Variants in AGBL4 observed in about 807,000 individuals in gnomAD.
AGBL4 encodes the protein AGBL carboxypeptidase 4, also known as cytosolic carboxypeptidase 6.
AGBL4 carries 58 observed loss-of-function variants against 66.4 expected under a neutral mutation model. The ratio of observed to expected loss-of-function variants is 0.87; its 90% CI spans 0.71 to 1.09. AGBL4 has a LOEUF of 1.09. Among genes scored for constraint, AGBL4 ranks in the 50% least tolerant of loss-of-function variants. The probability of loss-of-function intolerance (pLI) is 0.00; values close to 1 mark genes in which losing one functional copy is unlikely to be tolerated. For missense variants in AGBL4, 579 were observed against 631.0 expected (o/e 0.92, Z 0.88); for synonymous variants, 234 against 222.9 (o/e 1.05, Z -0.44).
At chr1:48,846,409 G>GAA (rs1401577936) in intron 6 of AGBL4, among the ~76,000 whole-genome samples, 1 of 145,498 alleles carries the variant, frequency 6.9e-6, no homozygotes, top group Non-Finnish European at 1.5e-5. Flanking sequence ...AAGAAAGAAA[G>GAA]AAAGAAAGAA....
intron 1 of AGBL4, among the ~76,000 whole-genome samples, chr1:49,975,825 T>G (rs1362165047): frequency 6.6e-6 from 1 of 152,222 alleles, no homozygotes; most frequent in Non-Finnish European, 1.5e-5. Context: ...CACTGCCTGA[T>G]AGCTTCTGTT....
chr1:49,362,991 A>G (rs7531656), intron 3 of AGBL4, among the ~76,000 whole-genome samples: 92,612 of 151,952 alleles, frequency 0.61, 28,894 homozygotes, highest in Middle Eastern at 0.67. Context: ...GACATCCAGC[A>G]GCTGCATATA....
intron 10 of AGBL4, among the ~76,000 whole-genome samples, chr1:48,589,138 T>C (rs1207298860): frequency 2.0e-5 from 3 of 152,192 alleles, no homozygotes; most frequent in Non-Finnish European, 4.4e-5. Flanking sequence ...GAAAAAGGTA[T>C]GGCTGTTTCT....
chr1:49,464,195 T>C (rs1646576068), intron 3 of AGBL4, among the ~76,000 whole-genome samples: 1 of 151,706 alleles, frequency 6.6e-6, no homozygotes, highest in Non-Finnish European at 1.5e-5. Context: ...AGAATAAACT[T>C]CCTGTAGGAG....
At chr1:49,930,161 G>T (rs1439408712) in intron 1 of AGBL4, among the ~76,000 whole-genome samples, 4 of 151,902 alleles carry the variant, frequency 2.6e-5, no homozygotes, top group African/African-American at 9.7e-5. Context: ...GATATTAAAG[G>T]TTAATAAGGA....
At chr1:49,922,262 G>C (rs1652333494) in intron 1 of AGBL4, among the ~76,000 whole-genome samples, 1 of 151,876 alleles carries the variant, frequency 6.6e-6, no homozygotes, top group South Asian at 2.1e-4. Context: ...ATTTTGTCGA[G>C]GATTTTTACT....
intron 9 of AGBL4, among the ~76,000 whole-genome samples, chr1:48,619,803 G>GC (rs1255508680): frequency 2.7e-4 from 41 of 152,344 alleles, no homozygotes; most frequent in Middle Eastern, 3.4e-3. Context: ...GGTGGGGGCT[G>GC]CTGTGTACAG....
chr1:49,281,597 G>C (rs377568227), intron 3 of AGBL4, among the ~76,000 whole-genome samples: 2 of 152,210 alleles, frequency 1.3e-5, no homozygotes, highest in Non-Finnish European at 2.9e-5. Flanking sequence ...TAATACAGCT[G>C]TATGTGGCAA....
rs549443936 is a variant in AGBL4 at position 48,891,497 on chromosome 1, T to C, written c.595-24267A>G. 1.2e-3 allele frequency among the ~76,000 whole-genome samples: 183 copies of C among 152,180 alleles called. 2 individuals carry two copies. The highest frequency in any genetic ancestry group is 2.6e-4 in the Non-Finnish European group (18 of 68,018). ...GTCCCTGGCATCAAGAAGCCCCCAG[T>C]CTGATGGAGGGCACATAAAGAGACC... On this transcript the variant is annotated intron_variant, in intron 5 of 13. Coordinates refer to ENST00000371839, the MANE Select transcript of AGBL4 (RefSeq NM_032785.4).
chr1:48,972,177 A>G (rs1472082847), intron 5 of AGBL4, among the ~76,000 whole-genome samples: 1 of 152,148 alleles, frequency 6.6e-6, no homozygotes, highest in Non-Finnish European at 1.5e-5. Context: ...TTTTCATGAA[A>G]AGTCCCCACG....
intron 3 of AGBL4, among the ~76,000 whole-genome samples, chr1:49,588,517 G>A (rs1644694177): frequency 6.6e-6 from 1 of 152,072 alleles, no homozygotes; most frequent in African/African-American, 2.4e-5. Flanking sequence ...CCTGAGACTG[G>A]GTTAGAATCT....
chr1:48,774,611 A>G (rs557655635), intron 6 of AGBL4, among the ~76,000 whole-genome samples: 9 of 152,356 alleles, frequency 5.9e-5, no homozygotes, highest in Middle Eastern at 3.4e-3. Context: ...TTAAATAACC[A>G]TACAGATTTA....
chr1:49,085,953 G>A (rs1018118862), intron 4 of AGBL4, among the ~76,000 whole-genome samples: 9 of 152,150 alleles, frequency 5.9e-5, no homozygotes, highest in Non-Finnish European at 1.0e-4. Flanking sequence ...CCCCAGTAGA[G>A]GCTGCAGTCA....
At position 48,847,004 on chromosome 1, in the gene AGBL4, C is replaced by CA. The variant is rs1466381768; in HGVS notation, c.634+20186dup. 3.5e-5 allele frequency among the ~76,000 whole-genome samples: 5 copies of CA among 141,138 alleles called. No homozygotes were observed. The East Asian group carries it at 9.7e-4, about 28-fold the overall frequency. 92.6% of individuals were successfully genotyped at this position (141,138 alleles called of 152,430 possible). A position where few individuals can be genotyped will look rare whatever the true frequency, so the allele number is the denominator to read the frequency against. ...GTTGAAACAAAAACAAAAACAAAAACAAAAAAACGAACTTGGCTGGGCCTG... is the reference window on the plus strand; with the variant it reads ...GTTGAAACAAAAACAAAAACAAAAACAAAAAAAACGAACTTGGCTGGGCCTG... On this transcript the variant is annotated intron_variant, in intron 6 of 13. Coordinates refer to ENST00000371839, the MANE Select transcript of AGBL4 (RefSeq NM_032785.4).
intron 3 of AGBL4, among the ~76,000 whole-genome samples, chr1:49,659,030 A>AT (rs1558141326): frequency 6.6e-6 from 1 of 152,092 alleles, no homozygotes; most frequent in African/African-American, 2.4e-5. Context: ...AAGAAAAAAA[A>AT]TTTTCAACCT....
intron 3 of AGBL4, among the ~76,000 whole-genome samples, chr1:49,573,656 T>C (rs952940699): frequency 6.6e-6 from 1 of 152,168 alleles, no homozygotes. Context: ...GAGAGTCTTA[T>C]ATCCTCTAGA....
chr1:48,646,207 T>C (rs1389930646), intron 8 of AGBL4, among the ~76,000 whole-genome samples: 2 of 151,940 alleles, frequency 1.3e-5, no homozygotes, highest in African/African-American at 4.8e-5. Context: ...GGCACTGGAT[T>C]GAATGTTTCT....
At chr1:48,874,880 C>T (rs753988109) in intron 5 of AGBL4, among the ~76,000 whole-genome samples, 19 of 152,164 alleles carry the variant, frequency 1.2e-4, no homozygotes, top group Admixed American at 1.0e-3. Flanking sequence ...TGCACCACCA[C>T]CTTACCTGCT....
At chr1:49,736,244 A>G (rs577946162) in intron 2 of AGBL4, among the ~76,000 whole-genome samples, 2 of 152,128 alleles carry the variant, frequency 1.3e-5, no homozygotes, top group Non-Finnish European at 2.9e-5. Context: ...CAAACACTTG[A>G]AAGACAAAGA....
Sources: gnomAD v4.1 joint callset for allele counts (sites outside exome capture counted in the v4.1 genomes callset) on GRCh38, gnomAD v4.1.1 for gene constraint, MANE v1.5 for transcripts, NCBI Gene and HGNC (gene_info 2026-07-23, HGNC 2026-07-21) for gene names.